CTXND2: variants seen among roughly 807,000 people sequenced by gnomAD.
CTXND2 encodes cortexin domain containing 2.
chr1:150,900,571 C>G (rs587746681), intron 1 of CTXND2, among the ~76,000 whole-genome samples: 2 of 152,130 alleles, frequency 1.3e-5, no homozygotes, highest in African/African-American at 4.8e-5. Flanking sequence ...TCACTTGAAC[C>G]CGGGAGGTGG....
At chr1:150,900,218 G>A (rs267725) in intron 1 of CTXND2, among the ~76,000 whole-genome samples, 3 of 152,090 alleles carry the variant, frequency 2.0e-5, no homozygotes, top group Non-Finnish European at 2.9e-5. Flanking sequence ...AAGGTCTGTA[G>A]CTTCACTCCT....
At chr1:150,905,562 T>C (rs959439988) in intron 1 of CTXND2, among the ~76,000 whole-genome samples, 2 of 152,186 alleles carry the variant, frequency 1.3e-5, no homozygotes, top group African/African-American at 4.8e-5. Flanking sequence ...TCAAGTCTTA[T>C]TGAAGGCACA....
At chr1:150,908,228 C>G (rs1039332285) in intron 1 of CTXND2, among the ~76,000 whole-genome samples, 15 of 149,294 alleles carry the variant, frequency 1.0e-4, no homozygotes, top group Non-Finnish European at 2.1e-4. Flanking sequence ...GTCTTGAACT[C>G]CTGGACTAAA....
chr1:150,888,458 C>T (rs1668804644), intron 1 of CTXND2, among the ~76,000 whole-genome samples: 1 of 151,658 alleles, frequency 6.6e-6, no homozygotes, highest in South Asian at 2.1e-4. Flanking sequence ...GAAGGTGATC[C>T]CCCGCGACCT....
chr1:150,910,121 T>G (rs1020005530), intron 1 of CTXND2, among the ~76,000 whole-genome samples: 5 of 140,108 alleles, frequency 3.6e-5, no homozygotes, highest in African/African-American at 1.4e-4. Context: ...CTTTTTTCTG[T>G]TTTTTTTTTT....
At chr1:150,895,940 C>T (rs962759023) in intron 1 of CTXND2, among the ~76,000 whole-genome samples, 4 of 152,220 alleles carry the variant, frequency 2.6e-5, no homozygotes, top group Admixed American at 6.5e-5. Context: ...CCTAACCAGA[C>T]TTTTCCTGTG....
chr1:150,899,599 A>G (rs1668965364), intron 1 of CTXND2, among the ~76,000 whole-genome samples: 1 of 152,190 alleles, frequency 6.6e-6, no homozygotes, highest in Non-Finnish European at 1.5e-5. Flanking sequence ...GTAATAAAAG[A>G]CAAAAATAAA....
intron 1 of CTXND2, among the ~76,000 whole-genome samples, chr1:150,888,512 C>T (rs1341683635): frequency 1.3e-5 from 2 of 151,874 alleles, no homozygotes. Flanking sequence ...GCCACTGCAC[C>T]TGGCCCTAAT....
At chr1:150,888,609 A>C (rs587735515) in intron 1 of CTXND2, among the ~76,000 whole-genome samples, 1 of 152,156 alleles carries the variant, frequency 6.6e-6, no homozygotes, top group African/African-American at 2.4e-5. Flanking sequence ...GGATCACTGC[A>C]TATGAAAATG....
At chr1:150,895,018 G>A (rs1311206085) in intron 1 of CTXND2, among the ~76,000 whole-genome samples, 1 of 151,726 alleles carries the variant, frequency 6.6e-6, no homozygotes, top group East Asian at 1.9e-4. Context: ...GTGACACAGT[G>A]AGACTCCGTC....
intron 1 of CTXND2, among the ~76,000 whole-genome samples, chr1:150,893,519 T>G (rs1399539679): frequency 6.6e-6 from 1 of 152,196 alleles, no homozygotes; most frequent in Non-Finnish European, 1.5e-5. Flanking sequence ...AAGACAGTGA[T>G]GCTATCATGG....
chr1:150,900,216 T>G (rs1483114594), intron 1 of CTXND2, among the ~76,000 whole-genome samples: 1 of 151,992 alleles, frequency 6.6e-6, no homozygotes, highest in African/African-American at 2.4e-5. Flanking sequence ...TGAAGGTCTG[T>G]AGCTTCACTC....
rs140230018 is a variant in CTXND2 at position 150,905,221 on chromosome 1, G to C, written c.-73-7021G>C. On this transcript the variant is annotated intron_variant, in intron 1 of 1. Coordinates refer to ENST00000636087, the Ensembl canonical transcript of CTXND2. The stretch of plus-strand genomic sequence containing the variant: ...TGCAAGGGTGTAATTTTGGCTCACT[G>C]CAACTTCTACCTCCCGGATTCAAGT... 2.0e-4 allele frequency among the ~76,000 whole-genome samples: 29 copies of C among 148,554 alleles called. No homozygotes were observed. In the East Asian group the frequency reaches 4.3e-3, roughly 22 times the overall value.
At chr1:150,894,879 T>TA (rs1369427839) in intron 1 of CTXND2, among the ~76,000 whole-genome samples, 1 of 151,754 alleles carries the variant, frequency 6.6e-6, no homozygotes, top group Non-Finnish European at 1.5e-5. Context: ...CTACTAAAAA[T>TA]AAAAAATTAG....
intron 1 of CTXND2, among the ~76,000 whole-genome samples, chr1:150,900,121 C>G (rs756082748): frequency 2.6e-5 from 4 of 152,096 alleles, no homozygotes; most frequent in South Asian, 2.1e-4. Context: ...CGTGTGGAGG[C>G]TGTATTCTTT....
chr1:150,903,784 G>A, intron 1 of CTXND2: 1 of 395,056 alleles, frequency 2.5e-6, no homozygotes, highest in Non-Finnish European at 4.9e-6. Context: ...CTGAGCGACA[G>A]TGTGAAACTC....
intron 1 of CTXND2, among the ~76,000 whole-genome samples, chr1:150,902,121 G>T (rs1038227434): frequency 6.6e-6 from 1 of 151,920 alleles, no homozygotes; most frequent in Non-Finnish European, 1.5e-5. Flanking sequence ...CAAAAATTTG[G>T]CTGGGCGCCG....
intron 1 of CTXND2, among the ~76,000 whole-genome samples, chr1:150,888,840 G>A (rs1407778710): frequency 6.6e-6 from 1 of 151,772 alleles, no homozygotes; most frequent in East Asian, 1.9e-4. Context: ...GACTATAGGT[G>A]CGTGCCACCA....
At chr1:150,902,906 C>T (rs1669066734) in intron 1 of CTXND2, among the ~76,000 whole-genome samples, 2 of 152,048 alleles carry the variant, frequency 1.3e-5, no homozygotes, top group South Asian at 4.2e-4. Flanking sequence ...AAAATACCAA[C>T]ATTCCAGCAA....
Sources: gnomAD v4.1 joint callset for allele counts (sites outside exome capture counted in the v4.1 genomes callset) on GRCh38, gnomAD v4.1.1 for gene constraint, MANE v1.5 for transcripts, NCBI Gene and HGNC (gene_info 2026-07-23, HGNC 2026-07-21) for gene names.